Variants in STX12 observed in about 807,000 individuals in gnomAD.
STX12 encodes syntaxin 12.
Under a neutral mutation model 42.2 loss-of-function variants are expected in STX12, and 17 were observed. That is an observed-to-expected ratio of 0.40 (90% CI 0.28 to 0.60). The LOEUF is 0.60. Ranked by LOEUF, STX12 falls within the 20% of genes least tolerant of loss-of-function variation. STX12 has a pLI of 0.39. For missense variants in STX12, 297 were observed against 330.9 expected, an observed-to-expected ratio of 0.90 and a Z score of 0.79; for synonymous variants, 108 against 116.7, an observed-to-expected ratio of 0.93 and a Z score of 0.48.
chr1:27,788,262 T>C (rs2088712137), intron 1 of STX12, among the ~76,000 whole-genome samples: 1 of 152,146 alleles, frequency 6.6e-6, no homozygotes, highest in Non-Finnish European at 1.5e-5. Flanking sequence ...TTCCAACCTC[T>C]ATGAATGAAT....
intron 6 of STX12, 30 bp downstream of exon 6, chr1:27,812,298 C>G (rs774651025): frequency 1.9e-4 from 281 of 1,500,820 alleles, no homozygotes; most frequent in Admixed American, 2.8e-4. Flanking sequence ...TTTTGTTTGA[C>G]TCAGTGTGTC....
rs1435024709 is a variant in STX12 at position 27,822,455 on chromosome 1, C to CT, written c.*127dup. ...CGTCCTGTAATCATTTAGTTAGAAA[C>CT]TAACTACTAACTAGTCTTTGGAATT... is the stretch of plus-strand genomic sequence containing the variant. On this transcript the variant is annotated 3_prime_UTR_variant, in exon 9 of 9. Coordinates refer to ENST00000373943, the MANE Select transcript of STX12 (RefSeq NM_177424.3). The CT allele has an allele frequency of 1.6e-6, 1 of 632,088 alleles. No individual in the cohort carries two copies. Among genetic ancestry groups the CT allele is most frequent in the East Asian group, 2.6e-5 (1 of 38,148 alleles). 39.2% of individuals were successfully genotyped at this position (632,088 alleles called of 1,614,324 possible).
At chr1:27,816,733 A>G (rs1322808221) in intron 6 of STX12, among the ~76,000 whole-genome samples, 4 of 151,776 alleles carry the variant, frequency 2.6e-5, no homozygotes, top group African/African-American at 9.7e-5. Flanking sequence ...CCTGGCCAAC[A>G]TGGTGAAACC....
chr1:27,793,477 G>A (rs899643240), intron 2 of STX12, 56 bp from the exon 3 acceptor site: 30 of 1,467,390 alleles, frequency 2.0e-5, no homozygotes, highest in Middle Eastern at 3.4e-4. Context: ...AAGTGGTTCT[G>A]TGTATAACCC....
intron 8 of STX12, 22 bp from the exon 9 acceptor site, chr1:27,822,209 G>T (rs1383692789): frequency 6.9e-7 from 1 of 1,451,982 alleles, no homozygotes; most frequent in African/African-American, 1.4e-5. Flanking sequence ...TGAGTATCTT[G>T]TTTACATATT....
intron 4 of STX12, among the ~76,000 whole-genome samples, chr1:27,802,444 C>T (rs1229838688): frequency 6.6e-6 from 1 of 152,192 alleles, no homozygotes; most frequent in Non-Finnish European, 1.5e-5. Context: ...CAAAAGTAAG[C>T]TCTTCTATCC....
At chr1:27,792,135 TG>T (rs2088747199) in intron 2 of STX12, among the ~76,000 whole-genome samples, 7 of 131,492 alleles carry the variant, frequency 5.3e-5, no homozygotes, top group Admixed American at 4.6e-4. Context: ...TATCTATATA[TG>T]TATATATCTA....
chr1:27,816,996 G>A (rs2088948054), intron 6 of STX12, among the ~76,000 whole-genome samples: 1 of 147,822 alleles, frequency 6.8e-6, no homozygotes, highest in Non-Finnish European at 1.5e-5. Context: ...GGAAGGGGAG[G>A]GAGGAAGGAA....
chr1:27,783,766 A>G (rs1275472915), intron 1 of STX12, among the ~76,000 whole-genome samples: 2 of 152,206 alleles, frequency 1.3e-5, no homozygotes, highest in African/African-American at 4.8e-5. Context: ...TTCCTTCAAA[A>G]AGTTGTAGCA....
At chr1:27,808,247 A>G (rs2088877892) in intron 4 of STX12, among the ~76,000 whole-genome samples, 1 of 152,186 alleles carries the variant, frequency 6.6e-6, no homozygotes, top group Middle Eastern at 3.4e-3. Context: ...CTGTATTGCT[A>G]TTATAAAAAG....
intron 4 of STX12, among the ~76,000 whole-genome samples, chr1:27,804,393 T>C (rs987705678): frequency 2.6e-5 from 4 of 151,076 alleles, no homozygotes; most frequent in African/African-American, 9.8e-5. Flanking sequence ...ACCATTGCAC[T>C]CCAGCCTGGG....
intron 1 of STX12, among the ~76,000 whole-genome samples, chr1:27,786,242 T>G (rs540298801): frequency 3.3e-5 from 5 of 152,330 alleles, no homozygotes; most frequent in Non-Finnish European, 7.3e-5. Context: ...CTAGCCACCC[T>G]GGCCTCCATC....
intron 6 of STX12, among the ~76,000 whole-genome samples, chr1:27,815,262 G>C (rs2088933556): frequency 6.6e-6 from 1 of 152,134 alleles, no homozygotes; most frequent in South Asian, 2.1e-4. Context: ...GACATATGGA[G>C]CTAAGGAAAG....
At chr1:27,819,777 T>G in intron 8 of STX12, 45 bp downstream of exon 8, 1 of 1,556,040 alleles carries the variant, frequency 6.4e-7, no homozygotes, top group Non-Finnish European at 8.8e-7. Context: ...TGCAGACTTT[T>G]TAGGCCATCA....
chr1:27,788,224 C>T (rs539475158), intron 1 of STX12, among the ~76,000 whole-genome samples: 1 of 152,286 alleles, frequency 6.6e-6, no homozygotes, highest in South Asian at 2.1e-4. Flanking sequence ...GGAAAACAAG[C>T]AAGCAAACAA....
chr1:27,784,271 A>C (rs907904092), intron 1 of STX12, among the ~76,000 whole-genome samples: 2 of 152,072 alleles, frequency 1.3e-5, no homozygotes, highest in African/African-American at 4.8e-5. Flanking sequence ...CTTAGGCTGG[A>C]GTGCAGTGGC....
chr1:27,792,063 A>G (rs1192321904), intron 2 of STX12, among the ~76,000 whole-genome samples: 6 of 142,904 alleles, frequency 4.2e-5, no homozygotes, highest in Non-Finnish European at 7.6e-5. Flanking sequence ...TATCTATAAT[A>G]TATATAAAAT....
chr1:27,785,468 T>C (rs1294054189), intron 1 of STX12, among the ~76,000 whole-genome samples: 1 of 152,206 alleles, frequency 6.6e-6, no homozygotes, highest in Non-Finnish European at 1.5e-5. Context: ...TTATTGAATT[T>C]TGGAATTGAG....
intron 4 of STX12, among the ~76,000 whole-genome samples, chr1:27,806,169 C>G (rs951701393): frequency 6.6e-6 from 1 of 152,006 alleles, no homozygotes; most frequent in Non-Finnish European, 1.5e-5. Context: ...ACAAGTCTTC[C>G]GAAATTTTAT....
Sources: allele counts gnomAD v4.1 joint callset (sites outside exome capture counted in the v4.1 genomes callset), GRCh38; gene constraint gnomAD v4.1.1; transcripts MANE v1.5; gene names NCBI Gene and HGNC (gene_info 2026-07-23, HGNC 2026-07-21).